Variants in SETD1B observed in about 807,000 individuals in gnomAD.
SETD1B encodes SET domain containing 1B, histone lysine methyltransferase, also known as histone-lysine N-methyltransferase SETD1B.
In SETD1B, 7 loss-of-function variants were observed where a neutral mutation model predicts 148.0. That is an observed-to-expected ratio of 0.05 (90% CI 0.03 to 0.09). SETD1B has a LOEUF of 0.09. Ranked by LOEUF, SETD1B falls within the 10% of genes least tolerant of loss-of-function variation. The pLI is 1.00. For synonymous variants in SETD1B, 1,361 were observed against 1,186.5 expected (o/e 1.15, Z -3.02); for missense variants, 2,155 against 2,729.9 (o/e 0.79, Z 4.69).
the SETD1B span, among the ~76,000 whole-genome samples, chr12:121,791,416 C>T: frequency 6.6e-6 from 1 of 152,110 alleles, no homozygotes; most frequent in Non-Finnish European, 1.5e-5. Context: ...AACTGAGGCC[C>T]AGACATCCCC....
chr12:121,805,042 G>A lies in SETD1B; in HGVS notation c.175-76G>A, dbSNP rs2137542240. 6.7e-7 allele frequency: 1 copy of A among 1,492,626 alleles called. No homozygotes were observed. Among genetic ancestry groups the A allele is most frequent in the East Asian group, 2.5e-5 (1 of 40,262 alleles). The allele number at this position is 1,492,626 out of a possible 1,614,324, so 92.5% of individuals were successfully genotyped here. On this transcript the variant is annotated intron_variant, in intron 2 of 16. Transcript: ENST00000604567. This position sits in a 1 kb window ranked among gnomAD's most constrained non-coding sequence, Gnocchi z 4.2. ...GGGCCCCAGCCCTGGAGTTTGACAA[G>A]TGCCTCGAGAAAGGGGTCTGCCCAT... is the stretch of plus-strand genomic sequence containing the variant.
At chr12:121,790,466 G>A in the SETD1B span, among the ~76,000 whole-genome samples, 1 of 152,246 alleles carries the variant, frequency 6.6e-6, no homozygotes, top group Non-Finnish European at 1.5e-5. Flanking sequence ...TCCACCTGCA[G>A]GCCGAGATGA....
chr12:121,817,748 C>G lies in SETD1B; in HGVS notation c.3312+44C>G. ...AGCCTCAGGGGGCCGGGCCAGGCGA[C>G]GAGGGCCAGACCCTTCGGCTCACCT... On this transcript the variant is annotated intron_variant, in intron 9 of 16. Transcript: ENST00000604567. This position sits in a 1 kb window ranked among gnomAD's most constrained non-coding sequence, Gnocchi z 8.1. The G allele has an allele frequency of 7.2e-6, 11 of 1,536,902 alleles. No individual in the cohort carries two copies. The highest frequency in any genetic ancestry group is 9.7e-6 in the Non-Finnish European group (11 of 1,136,818).
rs748729469 is a variant in SETD1B at position 121,804,755 on chromosome 12, C to T, written c.18C>T (p.Pro6=). 3.9e-6 allele frequency: 6 copies of T among 1,550,214 alleles called. No homozygotes were observed. In the South Asian group the frequency reaches 4.8e-5, roughly 12 times the overall value. The change falls in exon 2 of 17, where the codon CCC becomes CCT. Residue 6 remains proline (P), a synonymous_variant. Coordinates refer to ENST00000604567, the MANE Select transcript of SETD1B (RefSeq NM_001353345.2). The surrounding 1 kb of genome is among the most constrained non-coding windows in gnomAD (Gnocchi z 4.6). ...TTAACGGCATGGAGAACAGTCACCC[C>T]CCCCACCACCACCACCAGCAGCCCC... is the stretch of plus-strand genomic sequence containing the variant. MENSH[P]PHHHHQQPPP...
At position 121,807,642 on chromosome 12, in the gene SETD1B, CCTT is replaced by C. The variant is rs1322834145; in HGVS notation, c.545-563_545-561del. ...CCTGGGCCCTGGTCTATAAAAGCCTCCTTCTGCTGAGGGGTGGAGGGTTCAAGC... is the reference window on the plus strand; with the variant it reads ...CCTGGGCCCTGGTCTATAAAAGCCTCCTGCTGAGGGGTGGAGGGTTCAAGC... On this transcript the variant is annotated intron_variant, in intron 4 of 16. Coordinates refer to ENST00000604567, the MANE Select transcript of SETD1B (RefSeq NM_001353345.2). 3.9e-5 allele frequency among the ~76,000 whole-genome samples: 6 copies of C among 152,084 alleles called. No homozygotes were observed. The South Asian group carries it at 6.2e-4, about 16-fold the overall frequency.
chr12:121,797,507 A>G, the SETD1B span: 2 of 456,598 alleles, frequency 4.4e-6, no homozygotes, highest in Non-Finnish European at 8.8e-6. Context: ...CAAAGCAGAG[A>G]GAGAGGGGTA....
At chr12:121,827,046 G>A (rs1193481277) in intron 13 of SETD1B, among the ~76,000 whole-genome samples, 1 of 152,144 alleles carries the variant, frequency 6.6e-6, no homozygotes, top group East Asian at 1.9e-4. Flanking sequence ...CGCCAGGAGA[G>A]AAGTGGTGAC....
At chr12:121,797,529 G>A in the SETD1B span, 3 of 456,466 alleles carry the variant, frequency 6.6e-6, no homozygotes, top group African/African-American at 2.0e-5. Flanking sequence ...AGTCCAGCCA[G>A]GTGGGTCCCG....
rs1026874659 is a variant in SETD1B at position 121,832,089 on chromosome 12, G to A, written c.*1850G>A. The A allele has an allele frequency of 1.1e-4, 17 of 152,248 alleles. No homozygotes were observed. The highest frequency in any genetic ancestry group is 1.7e-4 in the African/African-American group (7 of 41,530). The allele number at this position is 152,248 out of a possible 1,614,324, so 9.4% of individuals were successfully genotyped here. The stretch of plus-strand genomic sequence containing the variant: ...ATTTATTTTTCACATGAGGAAATGC[G>A]TAGCTTGTAGAGACGGCTGATTCAA... On this transcript the variant is annotated 3_prime_UTR_variant, in exon 17 of 17. Coordinates refer to ENST00000604567, the MANE Select transcript of SETD1B (RefSeq NM_001353345.2).
rs1331558980 is a variant in SETD1B, at chr12:121,830,029, G to A, written c.5728-37G>A. On this transcript the variant is annotated intron_variant, in intron 16 of 16. Transcript: ENST00000604567. The surrounding 1 kb of genome is among the most constrained non-coding windows in gnomAD (Gnocchi z 5.7). ...TCTGCAGTGGTGGGGGACCCTGGGG[G>A]ACCAGGGGCTCATTCTCCCCCCCAC... is the stretch of plus-strand genomic sequence containing the variant. 8 of 1,533,946 alleles carry A rather than the reference G, an allele frequency of 5.2e-6. No homozygotes were observed. The Admixed American group carries it at 7.9e-5, about 15-fold the overall frequency.
upstream of SETD1B, chr12:121,802,199 T>C (rs1217683600): frequency 6.6e-6 from 1 of 152,208 alleles, no homozygotes; most frequent in East Asian, 1.9e-4. Flanking sequence ...AACCTTAGCT[T>C]TATAAAGCAA....
At position 121,804,619 on chromosome 12, in the gene SETD1B, AG is replaced by A; in HGVS notation, c.-14-103del. ...CAGCTCCTTTCGGGGCGCGCTGGCA[AG>A]GTGGGAGGGGGTGGGGGCCTGCCGA... is the stretch of plus-strand genomic sequence containing the variant. On this transcript the variant is annotated intron_variant, in intron 1 of 16. Transcript: ENST00000604567. The surrounding 1 kb of genome is among the most constrained non-coding windows in gnomAD (Gnocchi z 4.6). 1.1e-6 allele frequency: 1 copy of A among 928,258 alleles called. No homozygotes were observed. The highest frequency in any genetic ancestry group is 3.0e-5 in the Admixed American group (1 of 33,740). The allele number at this position is 928,258 out of a possible 1,614,324, so 57.5% of individuals were successfully genotyped here.
At position 121,814,492 on chromosome 12, in the gene SETD1B, C is replaced by T. The variant is rs1376655394; in HGVS notation, c.2277C>T (p.Asp759=). Reference sequence around the variant, plus strand: ...GCCTGTTCCCTGTGATGCAGGTGGACATGAGCCACGTGCTGGGTGGCCAGT... The same window carrying T: ...GCCTGTTCCCTGTGATGCAGGTGGATATGAGCCACGTGCTGGGTGGCCAGT... ...PPGLFPVMQV[D]MSHVLGGQWG... Residue 759 remains aspartate (D), a synonymous_variant, in exon 7 of 17, where the codon GAC becomes GAT. Transcript: ENST00000604567. The T allele has an allele frequency of 2.1e-6, 3 of 1,460,170 alleles. No individual in the cohort carries two copies. The South Asian group carries it at 4.3e-5, about 21-fold the overall frequency. 90.5% of individuals were successfully genotyped at this position (1,460,170 alleles called of 1,614,324 possible).
chr12:121,818,314 G>A (rs1351523581), intron 10 of SETD1B, among the ~76,000 whole-genome samples: 22 of 152,218 alleles, frequency 1.4e-4, no homozygotes, highest in Non-Finnish European at 2.9e-5. Context: ...TGTAATCCCA[G>A]CACTTTGAGA....
In SETD1B at chr12:121,805,276, C is replaced by A; in HGVS notation, c.273+60C>A. 3.4e-6 allele frequency: 4 copies of A among 1,176,170 alleles called. No individual in the cohort carries two copies. Among genetic ancestry groups the A allele is most frequent in the Non-Finnish European group, 4.6e-6 (4 of 866,668 alleles). The allele number at this position is 1,176,170 out of a possible 1,614,324, so 72.9% of individuals were successfully genotyped here. A position where few individuals can be genotyped will look rare whatever the true frequency, so the allele number is the denominator to read the frequency against. On this transcript the variant is annotated intron_variant, in intron 3 of 16. Transcript: ENST00000604567. This position sits in a 1 kb window ranked among gnomAD's most constrained non-coding sequence, Gnocchi z 4.2. ...CCCACCTCCCCGAGTTCGAAAATAA[C>A]GCCAGTCCTGACCGAGCCCAGCCGG...
At chr12:121,802,228 A>T (rs1237787297), upstream of SETD1B, 1 of 152,278 alleles carries the variant, frequency 6.6e-6, no homozygotes, top group Non-Finnish European at 1.5e-5. Flanking sequence ...CAAGCATCTT[A>T]ACTGGCTTAT....
rs1489315474 is a variant in SETD1B, at chr12:121,832,499, T to TC, written c.*2262dup. On this transcript the variant is annotated 3_prime_UTR_variant, in exon 17 of 17. Coordinates refer to ENST00000604567, the MANE Select transcript of SETD1B (RefSeq NM_001353345.2). The stretch of plus-strand genomic sequence containing the variant: ...TTTAGGGATGTTTGTGCGGGTAGAC[T>TC]CCATCATCCATATGTAACTTGTTTT... The TC allele has an allele frequency of 6.3e-6, 1 of 157,982 alleles. No homozygotes were observed. Among genetic ancestry groups the TC allele is most frequent in the Non-Finnish European group, 1.4e-5 (1 of 71,492 alleles). 9.8% of individuals were successfully genotyped at this position (157,982 alleles called of 1,614,324 possible).
rs1248488331 is a variant in SETD1B at position 121,810,597 on chromosome 12, A to C, written c.1652A>C (p.Gln551Pro). The C allele has an allele frequency of 6.5e-7, 1 of 1,548,222 alleles. No homozygotes were observed. Among genetic ancestry groups the C allele is most frequent in the Admixed American group, 2.0e-5 (1 of 50,960 alleles). The stretch of plus-strand genomic sequence containing the variant: ...CTGGCCCCCTTTGGCACCAACTCCC[A>C]GCCAGGCTTCCGGGGCCCCACGCCC... ...SPLAPFGTNS[Q>P]PGFRGPTPPS... is the part of the protein sequence containing the mutation. The change falls in exon 6 of 17, where the codon CAG (glutamine) becomes CCG (proline). Residue 551 changes from glutamine (Q) to proline (P), a missense_variant. Gln to Pro is a moderately conservative substitution (Grantham distance 76). Coordinates refer to ENST00000604567, the MANE Select transcript of SETD1B (RefSeq NM_001353345.2). This position sits in a 1 kb window ranked among gnomAD's most constrained non-coding sequence, Gnocchi z 7.6.
intron 6 of SETD1B, among the ~76,000 whole-genome samples, chr12:121,811,932 G>GT (rs1185035445): frequency 1.3e-5 from 2 of 152,138 alleles, no homozygotes; most frequent in African/African-American, 4.8e-5. Flanking sequence ...GCAGCTGTAG[G>GT]GGGGCCGCCG....
Sources: allele counts gnomAD v4.1 joint callset (sites outside exome capture counted in the v4.1 genomes callset), GRCh38; gene constraint gnomAD v4.1.1; non-coding constraint Gnocchi (gnomAD v3.1); transcripts MANE v1.5; gene names NCBI Gene and HGNC (gene_info 2026-07-23, HGNC 2026-07-21).